RBMS3: variants seen among roughly 807,000 people sequenced by gnomAD.
RBMS3 encodes RNA binding motif single stranded interacting protein 3, also known as RNA-binding motif, single-stranded-interacting protein 3.
Under a neutral mutation model 66.8 loss-of-function variants are expected in RBMS3, and 27 were observed. The ratio of observed to expected loss-of-function variants is 0.40; its 90% CI spans 0.30 to 0.56. The LOEUF (loss-of-function observed/expected upper bound fraction) is 0.56. RBMS3 is among the 20% of genes least tolerant of loss of function. The pLI, the probability that RBMS3 is intolerant of heterozygous loss-of-function variation, is 0.40. For synonymous variants in RBMS3, 188 were observed against 183.0 expected (o/e 1.03, Z -0.22); for missense variants, 513 against 549.5 (o/e 0.93, Z 0.66).
chr3:29,703,176 G>A (rs9854430), intron 4 of RBMS3, among the ~76,000 whole-genome samples: 1,763 of 152,218 alleles, frequency 0.012, 29 homozygotes, highest in African/African-American at 0.035. Context: ...TTACATTTCC[G>A]AAGCCATAGA....
chr3:29,351,495 A>C (rs1575595094), intron 1 of RBMS3, among the ~76,000 whole-genome samples: 1 of 152,062 alleles, frequency 6.6e-6, no homozygotes, highest in South Asian at 2.1e-4. Context: ...CTATATATCT[A>C]CTTCATTACA....
intron 12 of RBMS3, among the ~76,000 whole-genome samples, chr3:29,976,560 C>T (rs1254493444): frequency 6.6e-6 from 1 of 151,948 alleles, no homozygotes; most frequent in African/African-American, 2.4e-5. Context: ...AAGAACTGAA[C>T]AGTAGGGGTC....
intron 4 of RBMS3, among the ~76,000 whole-genome samples, chr3:29,699,092 T>G (rs145208409): frequency 1.3e-5 from 2 of 152,268 alleles, no homozygotes; most frequent in East Asian, 3.9e-4. Flanking sequence ...TGAAGAGGCT[T>G]AAACATACAC....
chr3:29,336,931 C>G (rs1047680978), intron 1 of RBMS3, among the ~76,000 whole-genome samples: 29 of 152,210 alleles, frequency 1.9e-4, no homozygotes, highest in African/African-American at 6.5e-4. Context: ...CTCCTATTTC[C>G]TAGACTTCTA....
At chr3:29,735,675 G>T (rs2054347489) in intron 4 of RBMS3, among the ~76,000 whole-genome samples, 1 of 152,076 alleles carries the variant, frequency 6.6e-6, no homozygotes, top group Admixed American at 6.6e-5. Flanking sequence ...AATAAAACAA[G>T]GAACTCAGAT....
chr3:29,669,245 C>T (rs77396093), intron 4 of RBMS3, among the ~76,000 whole-genome samples: 5,555 of 152,296 alleles, frequency 0.036, 326 homozygotes, highest in African/African-American at 0.12. Context: ...CTTCCCCTTA[C>T]GGCTTTACCT....
chr3:29,770,963 T>C (rs2056173470), intron 6 of RBMS3, among the ~76,000 whole-genome samples: 1 of 152,062 alleles, frequency 6.6e-6, no homozygotes, highest in Non-Finnish European at 1.5e-5. Context: ...AACTCTCTCC[T>C]TGTAACCATC....
At chr3:29,550,678 T>A (rs2046152038) in intron 3 of RBMS3, among the ~76,000 whole-genome samples, 1 of 152,180 alleles carries the variant, frequency 6.6e-6, no homozygotes, top group Non-Finnish European at 1.5e-5. Flanking sequence ...TCATGCAATA[T>A]TTGGGACATG....
At chr3:29,881,473 A>C in intron 7 of RBMS3, among the ~76,000 whole-genome samples, 1 of 152,192 alleles carries the variant, frequency 6.6e-6, no homozygotes, top group Non-Finnish European at 1.5e-5. Flanking sequence ...TCAGGCTCAA[A>C]TAGGTTAAAT....
chr3:29,449,591 G>A (rs1239344956), intron 2 of RBMS3, among the ~76,000 whole-genome samples: 3 of 152,314 alleles, frequency 2.0e-5, no homozygotes, highest in Non-Finnish European at 4.4e-5. Context: ...GGTCAGCATA[G>A]TGTTACCACT....
chr3:29,946,547 T>G (rs1218080576), intron 12 of RBMS3, among the ~76,000 whole-genome samples: 5 of 151,666 alleles, frequency 3.3e-5, no homozygotes, highest in African/African-American at 1.2e-4. Flanking sequence ...TGGTATAATA[T>G]TAGACCATTA....
intron 1 of RBMS3, among the ~76,000 whole-genome samples, chr3:29,420,534 T>C (rs1000248962): frequency 6.7e-6 from 1 of 150,372 alleles, no homozygotes; most frequent in Non-Finnish European, 1.5e-5. Context: ...TGCTTAAAGG[T>C]AAAAATCAGT....
chr3:29,286,569 C>A (rs1314347603), intron 1 of RBMS3, among the ~76,000 whole-genome samples: 2 of 150,228 alleles, frequency 1.3e-5, no homozygotes, highest in African/African-American at 2.4e-5. Context: ...AAAAATAGCA[C>A]AAAATTATAG....
intron 1 of RBMS3, among the ~76,000 whole-genome samples, chr3:29,284,979 C>T (rs1469899134): frequency 1.4e-5 from 2 of 145,908 alleles, no homozygotes; most frequent in East Asian, 2.0e-4. Context: ...AAGAAACAAC[C>T]GGATGAAAAA....
intron 12 of RBMS3, among the ~76,000 whole-genome samples, chr3:29,958,195 C>G (rs1038714235): frequency 4.6e-5 from 7 of 151,854 alleles, no homozygotes; most frequent in African/African-American, 1.7e-4. Context: ...TTTGTTTTGT[C>G]CTATTTTTTT....
intron 6 of RBMS3, among the ~76,000 whole-genome samples, chr3:29,855,367 AG>A (rs1422963593): frequency 6.6e-6 from 1 of 152,218 alleles, no homozygotes; most frequent in Non-Finnish European, 1.5e-5. Flanking sequence ...AAGCTTTTAC[AG>A]ATTCCTAGAT....
intron 6 of RBMS3, among the ~76,000 whole-genome samples, chr3:29,806,073 A>C (rs1055143935): frequency 6.6e-6 from 1 of 152,024 alleles, no homozygotes; most frequent in South Asian, 2.1e-4. Context: ...AGAAGAATGA[A>C]AAGTAGCTTG....
At chr3:29,328,321 G>T (rs750415958) in intron 1 of RBMS3, among the ~76,000 whole-genome samples, 1 of 152,084 alleles carries the variant, frequency 6.6e-6, no homozygotes, top group Non-Finnish European at 1.5e-5. Context: ...TATCTGTTTC[G>T]TTATGTGTTA....
intron 4 of RBMS3, among the ~76,000 whole-genome samples, chr3:29,656,614 A>G (rs912387685): frequency 1.3e-5 from 2 of 152,188 alleles, no homozygotes; most frequent in African/African-American, 4.8e-5. Context: ...AACCCTCACA[A>G]TGTGAGTTCA....
Sources: gnomAD v4.1 joint callset for allele counts (sites outside exome capture counted in the v4.1 genomes callset) on GRCh38, gnomAD v4.1.1 for gene constraint, MANE v1.5 for transcripts, NCBI Gene and HGNC (gene_info 2026-07-23, HGNC 2026-07-21) for gene names.